TUBGCP2: variants seen among roughly 807,000 people sequenced by gnomAD.
TUBGCP2 encodes gamma-tubulin complex component 2.
In TUBGCP2, 55 loss-of-function variants were observed where a neutral mutation model predicts 92.2. The ratio of observed to expected loss-of-function variants is 0.60; its 90% confidence interval spans 0.48 to 0.75. The LOEUF (loss-of-function observed/expected upper bound fraction) is 0.75, where lower values mean the gene tolerates loss of function less well. TUBGCP2 is among the 30% of genes least tolerant of loss of function. TUBGCP2 has a pLI of 0.00. For synonymous variants in TUBGCP2, 533 were observed against 505.2 expected (o/e 1.06, Z -0.74); for missense variants, 1,093 against 1,188.9 (o/e 0.92, Z 1.19).
chr10:133,281,121 C>T, intron 17 of TUBGCP2, 152 bp downstream of exon 17: 2 of 209,630 alleles, frequency 9.5e-6, no homozygotes, highest in Non-Finnish European at 1.6e-5. Context: ...AGCTGGGGGA[C>T]GGCTGAGCAG....
chr10:133,284,125 C>T, intron 13 of TUBGCP2, 123 bp from the exon 14 acceptor site: 3 of 1,451,180 alleles, frequency 2.1e-6, no homozygotes, highest in Non-Finnish European at 2.7e-6. Context: ...ATTTCCTCTG[C>T]AGAGCAAGCG....
At chr10:133,309,765 C>T (rs758401017), upstream of TUBGCP2, 3 of 1,612,486 alleles carry the variant, frequency 1.9e-6, no homozygotes, top group Admixed American at 3.3e-5. Context: ...TGAAGCACGT[C>T]TCCTTGGCAG....
intron 7 of TUBGCP2, 122 bp from the exon 8 acceptor site, chr10:133,292,810 G>A: frequency 1.6e-6 from 2 of 1,270,160 alleles, no homozygotes; most frequent in East Asian, 2.5e-5. Flanking sequence ...TGCTTCTTTG[G>A]GATACGTATT....
At chr10:133,305,491 C>A (rs10857700) in intron 1 of TUBGCP2, among the ~76,000 whole-genome samples, 5,728 of 152,174 alleles carry the variant, frequency 0.038, 309 homozygotes, top group African/African-American at 0.12. Context: ...GTTCCCCGGG[C>A]CCGCTGTCTT....
At chr10:133,282,649 T>C (rs1847012093) in intron 15 of TUBGCP2, among the ~76,000 whole-genome samples, 1 of 152,176 alleles carries the variant, frequency 6.6e-6, no homozygotes, top group South Asian at 2.1e-4. Flanking sequence ...ACCCTCCCCA[T>C]GGCACTGCCT....
chr10:133,282,751 C>T (rs939253427), intron 15 of TUBGCP2, among the ~76,000 whole-genome samples: 1 of 152,206 alleles, frequency 6.6e-6, no homozygotes, highest in South Asian at 2.1e-4. Context: ...CTAGTGCCTG[C>T]AGGTCCTTAA....
chr10:133,291,922 G>A (rs1307729305), intron 8 of TUBGCP2, among the ~76,000 whole-genome samples: 1 of 29,562 alleles, frequency 3.4e-5, no homozygotes, highest in Admixed American at 4.5e-4. Flanking sequence ...ATGTCCCTCC[G>A]TGTCCCCCAT....
chr10:133,283,288 G>A (rs558338765), intron 14 of TUBGCP2, 67 bp from the exon 15 acceptor site: 22 of 1,603,820 alleles, frequency 1.4e-5, no homozygotes, highest in Admixed American at 1.0e-4. Context: ...GCATGCGCAC[G>A]TGCTCAGTTC....
At chr10:133,288,052 C>T (rs1847177368) in intron 11 of TUBGCP2, 77 bp downstream of exon 11, 2 of 1,515,634 alleles carry the variant, frequency 1.3e-6, no homozygotes, top group Non-Finnish European at 1.8e-6. Flanking sequence ...GGGGACAGGG[C>T]TGGCCTCTGC....
At chr10:133,297,911 C>T (rs376584782) in intron 5 of TUBGCP2, 41 bp downstream of exon 5, 693 of 1,604,810 alleles carry the variant, frequency 4.3e-4, no homozygotes, top group Non-Finnish European at 5.7e-4. Context: ...CAACGCATCA[C>T]GTACCTATCG....
upstream of TUBGCP2, chr10:133,309,745 G>C: frequency 6.2e-7 from 1 of 1,611,126 alleles, no homozygotes; most frequent in Non-Finnish European, 8.5e-7. Flanking sequence ...CGCACCGGAG[G>C]AAGGGCTCCT....
chr10:133,299,971 G>T lies in TUBGCP2; in HGVS notation c.279+14C>A. ...CCGTACGGGCGCAGTGTGGCACGTG[G>T]CATGGGCACCTACCTCTTTGTCTTC... On this transcript the variant is annotated intron_variant, in intron 3 of 17. Coordinates refer to ENST00000252936, the MANE Select transcript of TUBGCP2 (RefSeq NM_006659.4). 6.2e-7 allele frequency: 1 copy of T among 1,613,328 alleles called. No homozygotes were observed. Among genetic ancestry groups the T allele is most frequent in the Non-Finnish European group, 8.5e-7 (1 of 1,179,474 alleles).
At chr10:133,310,953 C>T (rs953649340), upstream of TUBGCP2, among the ~76,000 whole-genome samples, 4 of 152,082 alleles carry the variant, frequency 2.6e-5, no homozygotes, top group East Asian at 1.9e-4. Context: ...CAACACGCAT[C>T]GCCGCACTCG....
intron 16 of TUBGCP2, 89 bp from the exon 17 acceptor site, chr10:133,281,525 T>C: frequency 6.8e-7 from 1 of 1,472,684 alleles, no homozygotes; most frequent in Non-Finnish European, 9.1e-7. Context: ...CCGGTGTCCT[T>C]TCCCTTCCCC....
At chr10:133,301,751 C>T (rs1369399409) in intron 2 of TUBGCP2, 1 of 112,156 alleles carries the variant, frequency 8.9e-6, no homozygotes, top group South Asian at 3.0e-4. Flanking sequence ...CTCACTCTGA[C>T]GCCCAGGCTG....
intron 11 of TUBGCP2, among the ~76,000 whole-genome samples, chr10:133,286,521 C>T (rs915451739): frequency 5.3e-5 from 8 of 152,312 alleles, no homozygotes; most frequent in African/African-American, 1.2e-4. Context: ...AGGAAAGACA[C>T]GGCCTCAACC....
In TUBGCP2 at chr10:133,279,904, G is replaced by A; in HGVS notation, c.2574-3C>T. Reference sequence around the variant, plus strand: ...TGTAGAAACCATTGAAGTCAAGCCTGTGAGGAAGGACAGTGGAGCTGGGGT... The same window carrying A: ...TGTAGAAACCATTGAAGTCAAGCCTATGAGGAAGGACAGTGGAGCTGGGGT... On this transcript the variant is annotated splice_polypyrimidine_tract_variant and splice_region_variant and intron_variant, in intron 17 of 17. Transcript: ENST00000252936. The A allele has an allele frequency of 1.9e-6, 3 of 1,609,464 alleles. No homozygotes were observed. Among genetic ancestry groups the A allele is most frequent in the Non-Finnish European group, 8.5e-7 (1 of 1,178,358 alleles).
upstream of TUBGCP2, chr10:133,309,560 G>A (rs1847938107): frequency 7.0e-7 from 1 of 1,429,626 alleles, no homozygotes; most frequent in Non-Finnish European, 9.6e-7. Context: ...TTCCATGTGC[G>A]GCCGCCCCAC....
intron 17 of TUBGCP2, among the ~76,000 whole-genome samples, chr10:133,280,213 C>G (rs1296406884): frequency 1.3e-5 from 2 of 152,208 alleles, no homozygotes; most frequent in Non-Finnish European, 2.9e-5. Context: ...CAGTCCTGCT[C>G]AAAGGCACAA....
Sources: gnomAD v4.1 joint callset for allele counts (sites outside exome capture counted in the v4.1 genomes callset) on GRCh38, gnomAD v4.1.1 for gene constraint, MANE v1.5 for transcripts, NCBI Gene and HGNC (gene_info 2026-07-23, HGNC 2026-07-21) for gene names.